Variants in WDR70 observed in about 807,000 individuals in gnomAD.
WDR70 encodes the protein WD repeat domain 70, also known as WD repeat-containing protein 70.
WDR70 carries 53 observed loss-of-function variants against 88.6 expected under a neutral mutation model. The observed-to-expected ratio is 0.60, with a 90% CI of 0.48 to 0.75. The LOEUF (loss-of-function observed/expected upper bound fraction) is 0.75, where lower values mean the gene tolerates loss of function less well. Among genes scored for constraint, WDR70 ranks in the 30% least tolerant of loss-of-function variants. The probability of loss-of-function intolerance (pLI) is 0.00; values close to 1 mark genes in which losing one functional copy is unlikely to be tolerated. For missense variants in WDR70, 610 were observed against 823.2 expected (o/e 0.74, Z 3.17); for synonymous variants, 280 against 270.0 (o/e 1.04, Z -0.36).
At chr5:37,594,070 T>C (rs1743622593) in intron 9 of WDR70, among the ~76,000 whole-genome samples, 1 of 152,222 alleles carries the variant, frequency 6.6e-6, no homozygotes, top group East Asian at 1.9e-4. Flanking sequence ...AGGAGTAGAT[T>C]GCAAAAATTT....
At chr5:37,636,608 A>T (rs537584389) in intron 10 of WDR70, among the ~76,000 whole-genome samples, 9 of 152,212 alleles carry the variant, frequency 5.9e-5, no homozygotes, top group Non-Finnish European at 1.3e-4. Flanking sequence ...TTGACATCAT[A>T]TAAATCTTGA....
At chr5:37,412,822 C>T (rs770022066) in intron 5 of WDR70, among the ~76,000 whole-genome samples, 24 of 152,044 alleles carry the variant, frequency 1.6e-4, no homozygotes, top group Admixed American at 1.3e-4. Flanking sequence ...GAATTCAAAG[C>T]GGGAGAAAAC....
intron 9 of WDR70, among the ~76,000 whole-genome samples, chr5:37,578,115 T>C (rs1421171352): frequency 1.3e-5 from 2 of 152,150 alleles, no homozygotes; most frequent in African/African-American, 4.8e-5. Context: ...GTGGTCTCTC[T>C]CAGAATATAG....
intron 5 of WDR70, among the ~76,000 whole-genome samples, chr5:37,406,380 AT>A (rs1194199093): frequency 1.3e-5 from 2 of 152,222 alleles, no homozygotes; most frequent in Non-Finnish European, 2.9e-5. Context: ...CTTCCATTCC[AT>A]TCTTGACTGG....
chr5:37,712,965 G>A (rs1747556719), intron 13 of WDR70, among the ~76,000 whole-genome samples: 1 of 152,068 alleles, frequency 6.6e-6, no homozygotes, highest in Non-Finnish European at 1.5e-5. Context: ...GTCTCCCAAG[G>A]CGATGAGTGA....
chr5:37,583,598 A>G (rs1382839229), intron 9 of WDR70, among the ~76,000 whole-genome samples: 1 of 134,174 alleles, frequency 7.5e-6, no homozygotes, highest in East Asian at 2.1e-4. Flanking sequence ...TGACTATGAC[A>G]CGCAGTCATA....
At chr5:37,385,123 T>C (rs1748568227) in intron 3 of WDR70, among the ~76,000 whole-genome samples, 1 of 152,114 alleles carries the variant, frequency 6.6e-6, no homozygotes, top group African/African-American at 2.4e-5. Context: ...GGGCAAGGTA[T>C]GGGGTGGGAG....
At chr5:37,516,691 AT>A in intron 9 of WDR70, 101 bp downstream of exon 9, 1 of 424,380 alleles carries the variant, frequency 2.4e-6, no homozygotes, top group South Asian at 5.7e-5. Flanking sequence ...TAAGTGGAAT[AT>A]TAGGAATTCT....
intron 10 of WDR70, among the ~76,000 whole-genome samples, chr5:37,696,808 G>A (rs1267915114): frequency 6.6e-6 from 1 of 152,222 alleles, no homozygotes; most frequent in African/African-American, 2.4e-5. Flanking sequence ...CTAGTACCTT[G>A]TGCCAGTTAC....
intron 7 of WDR70, among the ~76,000 whole-genome samples, chr5:37,459,105 A>G (rs1738918364): frequency 1.7e-5 from 1 of 60,398 alleles, no homozygotes; most frequent in Admixed American, 2.1e-4. Flanking sequence ...ATTCAGGAGC[A>G]GGTTGTTCAG....
intron 5 of WDR70, among the ~76,000 whole-genome samples, chr5:37,436,728 A>G: frequency 6.6e-6 from 1 of 152,138 alleles, no homozygotes; most frequent in East Asian, 1.9e-4. Context: ...AAGAAAAGAT[A>G]ACGATTGAGC....
chr5:37,519,084 T>G (rs1740989551), intron 9 of WDR70, among the ~76,000 whole-genome samples: 1 of 152,242 alleles, frequency 6.6e-6, no homozygotes, highest in Non-Finnish European at 1.5e-5. Flanking sequence ...CTATGTCTAC[T>G]TCTTTCTACA....
intron 9 of WDR70, among the ~76,000 whole-genome samples, chr5:37,556,709 G>A (rs573353250): frequency 1.3e-5 from 2 of 152,294 alleles, no homozygotes; most frequent in Admixed American, 1.3e-4. Flanking sequence ...AGCAATTAGA[G>A]GAAAATAGGG....
chr5:37,663,402 A>G (rs954847924), intron 10 of WDR70, among the ~76,000 whole-genome samples: 1 of 152,162 alleles, frequency 6.6e-6, no homozygotes, highest in Non-Finnish European at 1.5e-5. Context: ...TATCCCAGTA[A>G]TATGATTTCC....
chr5:37,430,159 T>G (rs1448257641), intron 5 of WDR70, among the ~76,000 whole-genome samples: 1 of 152,204 alleles, frequency 6.6e-6, no homozygotes, highest in Admixed American at 6.5e-5. Context: ...TTGTGAACTT[T>G]CCAATGTCCT....
At chr5:37,741,665 G>T (rs185010063) in intron 17 of WDR70, among the ~76,000 whole-genome samples, 1 of 152,132 alleles carries the variant, frequency 6.6e-6, no homozygotes, top group Non-Finnish European at 1.5e-5. Context: ...ATGCTCACTC[G>T]CCCACTGCTC....
intron 5 of WDR70, among the ~76,000 whole-genome samples, chr5:37,414,466 A>T (rs1749630692): frequency 2.6e-5 from 4 of 152,144 alleles, no homozygotes; most frequent in Admixed American, 2.6e-4. Context: ...TGTCCATCTT[A>T]TATAGGTCCC....
At chr5:37,616,342 A>G (rs1346264681) in intron 10 of WDR70, among the ~76,000 whole-genome samples, 2 of 152,066 alleles carry the variant, frequency 1.3e-5, no homozygotes, top group Non-Finnish European at 2.9e-5. Context: ...TCCTGACCTC[A>G]AGTGATCCAC....
At chr5:37,412,822 C>G (rs770022066) in intron 5 of WDR70, among the ~76,000 whole-genome samples, 1 of 152,044 alleles carries the variant, frequency 6.6e-6, no homozygotes, top group East Asian at 1.9e-4. Flanking sequence ...GAATTCAAAG[C>G]GGGAGAAAAC....
Sources: allele counts gnomAD v4.1 joint callset (sites outside exome capture counted in the v4.1 genomes callset), GRCh38; gene constraint gnomAD v4.1.1; transcripts MANE v1.5; gene names NCBI Gene and HGNC (gene_info 2026-07-23, HGNC 2026-07-21).